Variants in LARP4B observed in about 807,000 individuals in gnomAD.
The protein encoded by LARP4B is la-related protein 4B.
A neutral mutation model predicts 89.8 loss-of-function variants in LARP4B; 12 were observed. The observed-to-expected ratio is 0.13, with a 90% CI of 0.09 to 0.22. The LOEUF (loss-of-function observed/expected upper bound fraction) is 0.22, where lower values mean the gene tolerates loss of function less well. Ranked by LOEUF, LARP4B falls within the 10% of genes least tolerant of loss-of-function variation. LARP4B has a pLI of 1.00. For synonymous variants in LARP4B, 367 were observed against 363.3 expected, an observed-to-expected ratio of 1.01 and a Z score of -0.12; for missense variants, 757 against 947.7, an observed-to-expected ratio of 0.80 and a Z score of 2.64.
intron 1 of LARP4B, among the ~76,000 whole-genome samples, chr10:893,197 A>C (rs1836087824): frequency 6.6e-6 from 1 of 152,030 alleles, no homozygotes; most frequent in Non-Finnish European, 1.5e-5. Context: ...TACAGGAGTG[A>C]GCCACTACTG....
intron 5 of LARP4B, among the ~76,000 whole-genome samples, chr10:858,377 T>C (rs1266733786): frequency 2.6e-5 from 4 of 152,190 alleles, no homozygotes; most frequent in Admixed American, 6.5e-5. Flanking sequence ...CCATACTTTA[T>C]ACCATATACA....
intron 5 of LARP4B, among the ~76,000 whole-genome samples, chr10:849,797 T>C (rs1265657259): frequency 6.6e-6 from 1 of 152,204 alleles, no homozygotes; most frequent in African/African-American, 2.4e-5. Context: ...TTTTACCTTC[T>C]CAAACCCATT....
intron 1 of LARP4B, among the ~76,000 whole-genome samples, chr10:891,676 CCA>C (rs1366489043): frequency 3.3e-5 from 5 of 152,112 alleles, no homozygotes; most frequent in Admixed American, 3.3e-4. Flanking sequence ...AGTAACCATG[CCA>C]CAGTCTCAGC....
At chr10:931,112 CCGGCCTTCCCCTGCCCCGGCCT>C (rs1208137518) in intron 1 of LARP4B, among the ~76,000 whole-genome samples, 3 of 151,104 alleles carry the variant, frequency 2.0e-5, no homozygotes, top group South Asian at 2.1e-4. Context: ...AGCCCCGGCC[CCGGCCTTCCCCTGCCCCGGCCT>C]CGGCCATCCT....
the LARP4B span, among the ~76,000 whole-genome samples, chr10:960,707 C>CAAAAAAAA: frequency 3.0e-5 from 2 of 65,884 alleles, no homozygotes; most frequent in African/African-American, 6.6e-5. Context: ...GACTCTGTCT[C>CAAAAAAAA]AAAAAAAAAA....
chr10:904,586 TAAAA>T, intron 1 of LARP4B, among the ~76,000 whole-genome samples: 1 of 151,566 alleles, frequency 6.6e-6, no homozygotes, highest in Non-Finnish European at 1.5e-5. Flanking sequence ...AAAAATAAAA[TAAAA>T]ATAAATAAAT....
At chr10:829,804 CAA>C in intron 9 of LARP4B, 70 bp from the exon 10 acceptor site, 1 of 1,009,488 alleles carries the variant, frequency 9.9e-7, no homozygotes, top group Non-Finnish European at 1.6e-6. Context: ...ATAGTTCACT[CAA>C]TAGCTCAAAT....
intron 11 of LARP4B, among the ~76,000 whole-genome samples, chr10:826,106 A>G (rs1832607951): frequency 6.6e-6 from 1 of 152,248 alleles, no homozygotes; most frequent in Non-Finnish European, 1.5e-5. Context: ...GAACTGACAC[A>G]TGCGGAAGCA....
At chr10:887,668 G>A (rs902705023) in intron 1 of LARP4B, among the ~76,000 whole-genome samples, 1 of 151,960 alleles carries the variant, frequency 6.6e-6, no homozygotes, top group Non-Finnish European at 1.5e-5. Context: ...CCAAGATCAT[G>A]CCACTGCACT....
chr10:923,041 C>T (rs1837030205), intron 1 of LARP4B, among the ~76,000 whole-genome samples: 1 of 151,896 alleles, frequency 6.6e-6, no homozygotes, highest in Admixed American at 6.6e-5. Context: ...TGCCACTGCA[C>T]TCCAGCCTGG....
the LARP4B span, among the ~76,000 whole-genome samples, chr10:978,944 T>G: frequency 2.0e-5 from 3 of 151,642 alleles, no homozygotes; most frequent in African/African-American, 7.3e-5. Flanking sequence ...CCCCCCTCCT[T>G]AATATTGAAG....
At chr10:842,878 T>C (rs1588894661) in intron 7 of LARP4B, 54 bp downstream of exon 7, 1 of 1,534,020 alleles carries the variant, frequency 6.5e-7, no homozygotes, top group Non-Finnish European at 9.0e-7. Context: ...TTCATGCTGA[T>C]AAGACAAATA....
intron 1 of LARP4B, among the ~76,000 whole-genome samples, chr10:925,649 T>C (rs969067512): frequency 6.6e-6 from 1 of 152,146 alleles, no homozygotes; most frequent in East Asian, 1.9e-4. Flanking sequence ...TTCTCCCGCC[T>C]CAGCCTCCCA....
chr10:904,971 C>T (rs189804580), intron 1 of LARP4B, among the ~76,000 whole-genome samples: 144 of 152,284 alleles, frequency 9.5e-4, no homozygotes, highest in African/African-American at 3.3e-3. Context: ...CCTCATTTCA[C>T]GCTAAATTTA....
chr10:890,406 C>G (rs888885391), intron 1 of LARP4B, among the ~76,000 whole-genome samples: 3 of 152,166 alleles, frequency 2.0e-5, no homozygotes, highest in African/African-American at 7.2e-5. Flanking sequence ...AAATGTTACA[C>G]TTTAACAGAT....
At chr10:928,484 C>T (rs1837215088) in intron 1 of LARP4B, among the ~76,000 whole-genome samples, 1 of 152,176 alleles carries the variant, frequency 6.6e-6, no homozygotes, top group Non-Finnish European at 1.5e-5. Context: ...CTACCATAGC[C>T]TATCACTACA....
upstream of LARP4B, among the ~76,000 whole-genome samples, chr10:936,670 C>T (rs949956751): frequency 6.6e-6 from 1 of 152,070 alleles, no homozygotes; most frequent in East Asian, 1.9e-4. Context: ...TTGCAGTGAG[C>T]GAGATCGTGC....
intron 1 of LARP4B, among the ~76,000 whole-genome samples, chr10:900,124 T>G (rs532708209): frequency 6.6e-6 from 1 of 151,986 alleles, no homozygotes; most frequent in South Asian, 2.1e-4. Flanking sequence ...GGCGGGTGGA[T>G]CATCTGAGGT....
the LARP4B span, among the ~76,000 whole-genome samples, chr10:952,128 G>C: frequency 1.3e-5 from 2 of 151,822 alleles, no homozygotes; most frequent in Non-Finnish European, 2.9e-5. Context: ...CACAAGGTCA[G>C]GAGATCAAGA....
Sources: allele counts gnomAD v4.1 joint callset (sites outside exome capture counted in the v4.1 genomes callset), GRCh38; gene constraint gnomAD v4.1.1; transcripts MANE v1.5; gene names NCBI Gene and HGNC (gene_info 2026-07-23, HGNC 2026-07-21).